Variants in ST3GAL3 observed in about 807,000 individuals in gnomAD.
ST3GAL3 encodes the protein CMP-N-acetylneuraminate-beta-1,4-galactoside alpha-2,3-sialyltransferase.
ST3GAL3 carries 21 observed loss-of-function variants against 50.1 expected under a neutral mutation model. The ratio of observed to expected loss-of-function variants is 0.42; its 90% CI spans 0.30 to 0.60. The LOEUF is 0.60. Among genes scored for constraint, ST3GAL3 ranks in the 20% least tolerant of loss-of-function variants. The pLI is 0.19. For synonymous variants in ST3GAL3, 183 were observed against 190.0 expected (o/e 0.96, Z 0.30); for missense variants, 353 against 489.4 (o/e 0.72, Z 2.63).
At chr1:43,914,978 T>TA (rs1357918744) in intron 9 of ST3GAL3, among the ~76,000 whole-genome samples, 1 of 152,188 alleles carries the variant, frequency 6.6e-6, no homozygotes, top group Non-Finnish European at 1.5e-5. Flanking sequence ...TTACCTCCCT[T>TA]ACGCACACCC....
At chr1:43,832,833 G>C (rs2063725635) in intron 4 of ST3GAL3, among the ~76,000 whole-genome samples, 1 of 152,154 alleles carries the variant, frequency 6.6e-6, no homozygotes, top group Non-Finnish European at 1.5e-5. Flanking sequence ...TTGGAGAAAG[G>C]CATCCTCATG....
At chr1:43,837,755 GA>G (rs1323040548) in intron 4 of ST3GAL3, among the ~76,000 whole-genome samples, 1 of 152,202 alleles carries the variant, frequency 6.6e-6, no homozygotes, top group African/African-American at 2.4e-5. Flanking sequence ...AGGATCGCTT[GA>G]ACTCAGGAGT....
chr1:43,899,429 G>T lies in ST3GAL3; in HGVS notation c.558-112G>T. 6.4e-7 allele frequency: 1 copy of T among 1,572,220 alleles called. No individual in the cohort carries two copies. The highest frequency in any genetic ancestry group is 1.3e-5 in the African/African-American group (1 of 74,194). On this transcript the variant is annotated intron_variant, in intron 8 of 11. Coordinates refer to ENST00000347631, the MANE Select transcript of ST3GAL3 (RefSeq NM_006279.5). The surrounding 1 kb of genome is among the most constrained non-coding windows in gnomAD (Gnocchi z 5.4). ...CAGACAACTAGCGGGGGCACCTGGG[G>T]AGAATAGGTCCAGGTGACCTGGACT...
intron 3 of ST3GAL3, among the ~76,000 whole-genome samples, chr1:43,797,977 A>T (rs1056989394): frequency 1.3e-5 from 2 of 152,232 alleles, no homozygotes; most frequent in Non-Finnish European, 2.9e-5. Context: ...AACACATAGC[A>T]GCTTCCCGAA....
At chr1:43,716,992 A>G (rs555978026) in intron 1 of ST3GAL3, among the ~76,000 whole-genome samples, 2 of 152,182 alleles carry the variant, frequency 1.3e-5, no homozygotes, top group South Asian at 2.1e-4. Context: ...GATTTACGTC[A>G]TTTGTTTATG....
chr1:43,771,307 A>G (rs1695049764), intron 2 of ST3GAL3, among the ~76,000 whole-genome samples: 3 of 152,204 alleles, frequency 2.0e-5, no homozygotes, highest in African/African-American at 7.2e-5. Context: ...AGGTACTATA[A>G]AAGTGATTCT....
chr1:43,913,370 C>CA (rs925427418), intron 9 of ST3GAL3: 6 of 152,354 alleles, frequency 3.9e-5, no homozygotes, highest in African/African-American at 1.4e-4. Flanking sequence ...TAGGTCTTCT[C>CA]AGCCCTATTG....
At chr1:43,716,870 C>G (rs1277006351) in intron 1 of ST3GAL3, among the ~76,000 whole-genome samples, 1 of 152,120 alleles carries the variant, frequency 6.6e-6, no homozygotes, top group Non-Finnish European at 1.5e-5. Flanking sequence ...CCGTACATCC[C>G]CTCTTTGAGG....
intron 1 of ST3GAL3, among the ~76,000 whole-genome samples, chr1:43,711,191 G>A (rs1354959345): frequency 6.6e-6 from 1 of 152,338 alleles, no homozygotes; most frequent in Non-Finnish European, 1.5e-5. Flanking sequence ...AACAAAACTT[G>A]ACTTCTCATT....
intron 5 of ST3GAL3, among the ~76,000 whole-genome samples, chr1:43,884,602 C>G (rs1570642099): frequency 6.6e-6 from 1 of 152,328 alleles, no homozygotes; most frequent in Middle Eastern, 3.4e-3. Context: ...GAAGGTGGAT[C>G]TGTGGGATTT....
intron 2 of ST3GAL3, among the ~76,000 whole-genome samples, chr1:43,751,653 AT>A (rs1686137821): frequency 1.3e-5 from 2 of 152,198 alleles, no homozygotes; most frequent in Admixed American, 1.3e-4. Flanking sequence ...CCCACACTTT[AT>A]TTGTAGGAAG....
At chr1:43,818,510 T>A (rs1189659738) in intron 4 of ST3GAL3, among the ~76,000 whole-genome samples, 1 of 152,130 alleles carries the variant, frequency 6.6e-6, no homozygotes, top group Non-Finnish European at 1.5e-5. Flanking sequence ...AAATAACTTT[T>A]CAAGGAAATG....
chr1:43,749,113 T>C (rs1268004474), intron 2 of ST3GAL3, among the ~76,000 whole-genome samples: 7 of 152,210 alleles, frequency 4.6e-5, no homozygotes, highest in African/African-American at 4.8e-5. Context: ...ATAGGGAGTC[T>C]TTTCAATATA....
intron 11 of ST3GAL3, 73 bp from the exon 12 acceptor site, chr1:43,930,047 TGGTGACGAAGAA>T: frequency 9.4e-7 from 1 of 1,069,392 alleles, no homozygotes; most frequent in Non-Finnish European, 1.5e-6. Flanking sequence ...TATTGGAGAG[TGGTGACGAAGAA>T]GGCACCGAGC....
intron 5 of ST3GAL3, among the ~76,000 whole-genome samples, chr1:43,859,197 A>G (rs2069271712): frequency 6.6e-6 from 1 of 152,188 alleles, no homozygotes; most frequent in Non-Finnish European, 1.5e-5. Flanking sequence ...TCACGAAAAA[A>G]GGCCTGTTGA....
intron 5 of ST3GAL3, among the ~76,000 whole-genome samples, chr1:43,891,409 A>G (rs1407296407): frequency 6.6e-6 from 1 of 152,212 alleles, no homozygotes; most frequent in East Asian, 1.9e-4. Context: ...ATTGCTACTT[A>G]AAATACAAAA....
chr1:43,810,872 AGAGG>A, intron 3 of ST3GAL3, among the ~76,000 whole-genome samples: 1 of 152,186 alleles, frequency 6.6e-6, no homozygotes, highest in African/African-American at 2.4e-5. Flanking sequence ...TACAGGCAAT[AGAGG>A]GAGGCCCGAT....
intron 3 of ST3GAL3, among the ~76,000 whole-genome samples, chr1:43,795,274 G>A (rs1316095180): frequency 6.6e-6 from 1 of 152,186 alleles, no homozygotes. Flanking sequence ...CTCAGTGAAG[G>A]CTGGCAAAGA....
At chr1:43,902,137 G>T (rs1259982931) in intron 9 of ST3GAL3, among the ~76,000 whole-genome samples, 1 of 152,176 alleles carries the variant, frequency 6.6e-6, no homozygotes, top group South Asian at 2.1e-4. Context: ...CTCCTGTCTG[G>T]TGCCCTAGTC....
Sources: gnomAD v4.1 joint callset for allele counts (sites outside exome capture counted in the v4.1 genomes callset) on GRCh38, gnomAD v4.1.1 for gene constraint, Gnocchi (gnomAD v3.1) non-coding constraint, MANE v1.5 for transcripts, NCBI Gene and HGNC (gene_info 2026-07-23, HGNC 2026-07-21) for gene names.